Variants in JAKMIP2 observed in about 807,000 individuals in gnomAD.
JAKMIP2 encodes the protein janus kinase and microtubule-interacting protein 2.
JAKMIP2 carries 25 observed loss-of-function variants against 115.0 expected under a neutral mutation model. The ratio of observed to expected loss-of-function variants is 0.22; its 90% CI spans 0.16 to 0.30. The LOEUF is 0.30. JAKMIP2 is among the 10% of genes least tolerant of loss of function. The probability of loss-of-function intolerance (pLI) is 1.00; values close to 1 mark genes in which losing one functional copy is unlikely to be tolerated. For missense variants in JAKMIP2, 642 were observed against 957.6 expected, an observed-to-expected ratio of 0.67 and a Z score of 4.35; for synonymous variants, 334 against 343.6, an observed-to-expected ratio of 0.97 and a Z score of 0.31.
At chr5:147,782,327 C>G in intron 1 of JAKMIP2, 129 bp downstream of exon 1, 1 of 905,296 alleles carries the variant, frequency 1.1e-6, no homozygotes, top group Non-Finnish European at 1.7e-6. Context: ...ATCCTCATCT[C>G]TGTCTCCACA....
chr5:147,629,647 C>A, intron 15 of JAKMIP2, 46 bp downstream of exon 15: 1 of 1,417,838 alleles, frequency 7.1e-7, no homozygotes, highest in South Asian at 1.2e-5. Flanking sequence ...TCTCTTGCCT[C>A]TGTTTAGGCA....
At chr5:147,604,517 G>A (rs988579918) in intron 20 of JAKMIP2, among the ~76,000 whole-genome samples, 1 of 152,016 alleles carries the variant, frequency 6.6e-6, no homozygotes, top group African/African-American at 2.4e-5. Flanking sequence ...TGGTGGTCTA[G>A]CTACTTGAGC....
intron 19 of JAKMIP2, among the ~76,000 whole-genome samples, chr5:147,616,894 T>C (rs1430431234): frequency 6.6e-6 from 1 of 152,216 alleles, no homozygotes; most frequent in Non-Finnish European, 1.5e-5. Flanking sequence ...ATGAATTGTT[T>C]TTATTTGCCT....
At chr5:147,688,899 T>C (rs1396176025) in intron 1 of JAKMIP2, among the ~76,000 whole-genome samples, 1 of 152,208 alleles carries the variant, frequency 6.6e-6, no homozygotes, top group Non-Finnish European at 1.5e-5. Flanking sequence ...CGTTGGCTCA[T>C]GGAGCTGCTA....
intron 19 of JAKMIP2, among the ~76,000 whole-genome samples, chr5:147,612,723 A>G (rs747450591): frequency 8.5e-5 from 13 of 152,238 alleles, no homozygotes; most frequent in Non-Finnish European, 1.8e-4. Flanking sequence ...AAGTTGGAAT[A>G]AGATTTGGGA....
At chr5:147,679,054 C>A (rs1760124889) in intron 1 of JAKMIP2, among the ~76,000 whole-genome samples, 1 of 151,970 alleles carries the variant, frequency 6.6e-6, no homozygotes, top group South Asian at 2.1e-4. Context: ...AATCTTGGAT[C>A]ACTGCAACCT....
At chr5:147,745,947 G>A (rs1754332140) in intron 1 of JAKMIP2, among the ~76,000 whole-genome samples, 1 of 152,082 alleles carries the variant, frequency 6.6e-6, no homozygotes, top group Non-Finnish European at 1.5e-5. Flanking sequence ...TTTAATAGGA[G>A]TACAATATTA....
At chr5:147,707,182 C>T (rs1044169585) in intron 1 of JAKMIP2, among the ~76,000 whole-genome samples, 3 of 152,202 alleles carry the variant, frequency 2.0e-5, no homozygotes, top group Non-Finnish European at 4.4e-5. Flanking sequence ...CTTAGTAATG[C>T]CTGGGGTCTG....
At chr5:147,730,892 G>A (rs898455717) in intron 1 of JAKMIP2, among the ~76,000 whole-genome samples, 3 of 152,140 alleles carry the variant, frequency 2.0e-5, no homozygotes, top group Non-Finnish European at 4.4e-5. Context: ...ACTTGCTCAT[G>A]CTGTATTAGG....
intron 1 of JAKMIP2, among the ~76,000 whole-genome samples, chr5:147,723,491 GA>G (rs1282655256): frequency 6.6e-6 from 1 of 152,086 alleles, no homozygotes; most frequent in Non-Finnish European, 1.5e-5. Flanking sequence ...GCAATACTAT[GA>G]GGGGAAGATT....
At chr5:147,629,866 T>G in intron 14 of JAKMIP2, 120 bp from the exon 15 acceptor site, 1 of 703,132 alleles carries the variant, frequency 1.4e-6, no homozygotes, top group South Asian at 1.9e-5. Context: ...ATGTTTTCAA[T>G]CTGGCACACC....
Position 147,644,916 on chromosome 5 carries a change from T to A in JAKMIP2, c.1017A>T (p.Glu339Asp), listed in dbSNP as rs780642898. The A allele has an allele frequency of 1.7e-5, 27 of 1,613,728 alleles. No individual in the cohort carries two copies. The South Asian group carries it at 3.0e-4, about 18-fold the overall frequency. The change falls in exon 6 of 22, where the codon GAA (glutamate) becomes GAT (aspartate). Residue 339 changes from glutamate (E) to aspartate (D), a missense_variant. This residue lies in a region of JAKMIP2 where 439 missense variants were observed against 570.9 expected (regional missense o/e 0.77). Coordinates refer to ENST00000616793, the MANE Select transcript of JAKMIP2 (RefSeq NM_001270941.2). ...RNKCLAKRND[E>D]LMVSLQRMEE... ...CCATGCGCTGCAAGGACACCATCAG[T>A]TCATCGTTTCTCTTGGCGAGGCACT...
intron 12 of JAKMIP2, among the ~76,000 whole-genome samples, chr5:147,635,236 A>C (rs1315939105): frequency 1.3e-5 from 2 of 152,210 alleles, no homozygotes; most frequent in African/African-American, 4.8e-5. Context: ...ATATCAAAGG[A>C]AAAGCCACCT....
At chr5:147,693,004 C>T (rs1751944774) in intron 1 of JAKMIP2, among the ~76,000 whole-genome samples, 1 of 152,028 alleles carries the variant, frequency 6.6e-6, no homozygotes, top group Admixed American at 6.6e-5. Context: ...ATTATGTGTG[C>T]CACCAATTTT....
At chr5:147,655,552 T>G (rs1758635028) in intron 3 of JAKMIP2, among the ~76,000 whole-genome samples, 4 of 152,172 alleles carry the variant, frequency 2.6e-5, no homozygotes, top group Admixed American at 2.6e-4. Context: ...TGATAGCTCT[T>G]TTATCATTTT....
chr5:147,695,292 T>C (rs1752052172), intron 1 of JAKMIP2, among the ~76,000 whole-genome samples: 1 of 152,150 alleles, frequency 6.6e-6, no homozygotes, highest in Admixed American at 6.5e-5. Context: ...AAAAGAAAAT[T>C]GGCACCAATT....
intron 1 of JAKMIP2, among the ~76,000 whole-genome samples, chr5:147,724,526 C>T (rs2126952544): frequency 6.6e-6 from 1 of 152,220 alleles, no homozygotes; most frequent in South Asian, 2.1e-4. Context: ...CCCTAAAATC[C>T]TCTAAAAATT....
intron 1 of JAKMIP2, among the ~76,000 whole-genome samples, chr5:147,761,156 T>A (rs903967725): frequency 6.6e-6 from 1 of 152,118 alleles, no homozygotes; most frequent in Non-Finnish European, 1.5e-5. Flanking sequence ...TAAATCAAGG[T>A]GTTCCCAGCA....
rs1290503930 is a variant in JAKMIP2 at position 147,718,578 on chromosome 5, G to C, written c.-148-46624C>G. On this transcript the variant is annotated intron_variant, in intron 1 of 21. Transcript: ENST00000616793. ...ACTTCTTCCTGGTTTAGTCTTGGGAGAGTGTATGTGTCGAGGAATTTATCC... is the reference window on the plus strand; with the variant it reads ...ACTTCTTCCTGGTTTAGTCTTGGGACAGTGTATGTGTCGAGGAATTTATCC... 3.3e-5 allele frequency among the ~76,000 whole-genome samples: 5 copies of C among 151,326 alleles called. No individual in the cohort carries two copies. In the East Asian group the frequency reaches 9.8e-4, roughly 30 times the overall value.
Sources: allele counts gnomAD v4.1 joint callset (sites outside exome capture counted in the v4.1 genomes callset), GRCh38; gene constraint gnomAD v4.1.1; regional missense constraint gnomAD v4.1.1; transcripts MANE v1.5; gene names NCBI Gene and HGNC (gene_info 2026-07-23, HGNC 2026-07-21).